The following KCNJ6 variants were observed in gnomAD, a reference collection of about 807,000 sequenced individuals.
The protein encoded by KCNJ6 is G protein-activated inward rectifier potassium channel 2.
In KCNJ6, 9 loss-of-function variants were observed where a neutral mutation model predicts 34.2. The ratio of observed to expected loss-of-function variants is 0.26; its 90% confidence interval spans 0.16 to 0.46. KCNJ6 has a LOEUF of 0.46. Ranked by LOEUF, KCNJ6 falls within the 20% of genes least tolerant of loss-of-function variation. KCNJ6 has a pLI of 1.00. For missense variants in KCNJ6, 236 were observed against 531.3 expected (o/e 0.44, Z 5.46); for synonymous variants, 196 against 207.1 (o/e 0.95, Z 0.46).
At chr21:37,857,742 G>T (rs2055572427) in intron 1 of KCNJ6, among the ~76,000 whole-genome samples, 1 of 152,084 alleles carries the variant, frequency 6.6e-6, no homozygotes, top group Non-Finnish European at 1.5e-5. Flanking sequence ...GCCAGCAGTG[G>T]ATCTATCCAA....
intron 2 of KCNJ6, among the ~76,000 whole-genome samples, chr21:37,806,897 TGA>T (rs1371931435): frequency 1.4e-4 from 21 of 152,348 alleles, no homozygotes; most frequent in African/African-American, 4.8e-4. Context: ...GTGAAGTGAC[TGA>T]TAAACCTTCT....
intron 3 of KCNJ6, among the ~76,000 whole-genome samples, chr21:37,712,079 A>G (rs928896175): frequency 2.0e-5 from 3 of 152,350 alleles, no homozygotes; most frequent in Admixed American, 2.0e-4. Context: ...GGGACATCAC[A>G]AAGATAATTT....
Position 37,709,518 on chromosome 21 carries a change from A to AAAAAAAG in KCNJ6, c.946+4692_946+4693insCTTTTTT, listed in dbSNP as rs112508967. On this transcript the variant is annotated intron_variant, in intron 3 of 3. Coordinates refer to ENST00000609713, the MANE Select transcript of KCNJ6 (RefSeq NM_002240.5). The stretch of plus-strand genomic sequence containing the variant: ...AACGAGAGCAAAACCCTGTCTCAAA[A>AAAAAAAG]AAAAGAAAAGAAAAGAAAAGAAATA... 1.4e-3 allele frequency among the ~76,000 whole-genome samples: 210 copies of AAAAAAAG among 145,792 alleles called. 2 individuals carry two copies. Among genetic ancestry groups the AAAAAAAG allele is most frequent in the African/African-American group, 4.9e-3 (198 of 40,328 alleles).
chr21:37,876,274 T>A (rs916188495), intron 1 of KCNJ6, among the ~76,000 whole-genome samples: 1 of 152,162 alleles, frequency 6.6e-6, no homozygotes, highest in Non-Finnish European at 1.5e-5. Context: ...ACCCATAATA[T>A]TCCCATTTTA....
chr21:37,780,539 C>A (rs1299420038), intron 2 of KCNJ6, among the ~76,000 whole-genome samples: 1 of 145,558 alleles, frequency 6.9e-6, no homozygotes, highest in Non-Finnish European at 1.5e-5. Context: ...CACACGAATG[C>A]AAGATGTTAG....
At position 37,610,457 on chromosome 21, in the gene KCNJ6, G is replaced by C. The variant is rs1352531652; in HGVS notation, c.*14702C>G. 1 of 152,054 alleles carries C rather than the reference G, an allele frequency of 6.6e-6. No individual in the cohort carries two copies. Among genetic ancestry groups the C allele is most frequent in the Admixed American group, 6.6e-5 (1 of 15,260 alleles). The allele number at this position is 152,054 out of a possible 1,614,324, so 9.4% of individuals were successfully genotyped here. On this transcript the variant is annotated 3_prime_UTR_variant, in exon 4 of 4. Coordinates refer to ENST00000609713, the MANE Select transcript of KCNJ6 (RefSeq NM_002240.5). Reference sequence around the variant, plus strand: ...CTATTAAAAATACAAAAATTAGCCAGGTTTGGTGGTGGGCACCTGTAGTCC... The same window carrying C: ...CTATTAAAAATACAAAAATTAGCCACGTTTGGTGGTGGGCACCTGTAGTCC...
intron 3 of KCNJ6, among the ~76,000 whole-genome samples, chr21:37,641,098 G>A (rs991684133): frequency 3.3e-5 from 5 of 152,172 alleles, no homozygotes; most frequent in African/African-American, 1.2e-4. Context: ...AGTATCCAGT[G>A]CTCACCCCAT....
intron 2 of KCNJ6, among the ~76,000 whole-genome samples, chr21:37,740,883 C>T (rs932401992): frequency 6.6e-6 from 1 of 152,230 alleles, no homozygotes; most frequent in Non-Finnish European, 1.5e-5. Context: ...ATCTGATAAA[C>T]ACTCCAGCTT....
At position 37,763,016 on chromosome 21, in the gene KCNJ6, G is replaced by A. The variant is rs149615773; in HGVS notation, c.26-47885C>T. ...AACACAAGCAGATGAAAACAGGGCT[G>A]TCTAAATGACACGCAGCCACCAGTG... On this transcript the variant is annotated intron_variant, in intron 2 of 3. Transcript: ENST00000609713. 3.7e-3 allele frequency among the ~76,000 whole-genome samples: 566 copies of A among 152,334 alleles called. 4 individuals are homozygous for A. Among genetic ancestry groups the A allele is most frequent in the African/African-American group, 0.013 (553 of 41,580 alleles).
chr21:37,673,340 C>G (rs4816577), intron 3 of KCNJ6, among the ~76,000 whole-genome samples: 63,733 of 152,192 alleles, frequency 0.42, 13,420 homozygotes, highest in East Asian at 0.47. Context: ...TCCAGCTGGA[C>G]TGTCCTGCAG....
rs138655392 is a variant in KCNJ6, at chr21:37,649,783, C to T, written c.947-24299G>A. Among the ~76,000 whole-genome samples the T allele has an allele frequency of 2.3e-3, 355 of 152,298 alleles. 1 individual carries two copies. Among genetic ancestry groups the T allele is most frequent in the African/African-American group, 8.1e-3 (335 of 41,568 alleles). On this transcript the variant is annotated intron_variant, in intron 3 of 3. Transcript: ENST00000609713. ...TCTATGTCTCTAAATAGGTCTGTCT[C>T]GCTCTGTCGCCCTGGCTGGAGTGCA...
At chr21:37,899,150 C>T (rs1229157460) in intron 1 of KCNJ6, among the ~76,000 whole-genome samples, 3 of 152,136 alleles carry the variant, frequency 2.0e-5, no homozygotes, top group Admixed American at 6.5e-5. Context: ...AAGGGAGAGA[C>T]GGCTCCGTCT....
chr21:37,881,982 C>CA (rs776010795), intron 1 of KCNJ6, among the ~76,000 whole-genome samples: 1 of 152,110 alleles, frequency 6.6e-6, no homozygotes, highest in Non-Finnish European at 1.5e-5. Context: ...GCTGCTTAAA[C>CA]ATTATAGGGC....
chr21:37,826,764 G>A (rs568580178), intron 2 of KCNJ6, among the ~76,000 whole-genome samples: 6 of 152,204 alleles, frequency 3.9e-5, no homozygotes, highest in African/African-American at 1.4e-4. Flanking sequence ...AGAAAATAAT[G>A]AGAAAACCTC....
intron 2 of KCNJ6, among the ~76,000 whole-genome samples, chr21:37,760,110 C>T (rs2055053045): frequency 6.6e-6 from 1 of 152,166 alleles, no homozygotes; most frequent in Admixed American, 6.5e-5. Context: ...TAACTGCAGA[C>T]CCAGCCAACA....
At position 37,618,374 on chromosome 21, in the gene KCNJ6, C is replaced by T. The variant is rs952224115; in HGVS notation, c.*6785G>A. 7 of 152,188 alleles carry T rather than the reference C, an allele frequency of 4.6e-5. No individual in the cohort carries two copies. The highest frequency in any genetic ancestry group is 1.0e-4 in the Non-Finnish European group (7 of 68,032). The allele number at this position is 152,188 out of a possible 1,614,324, so 9.4% of individuals were successfully genotyped here. ...GTCTGCTCCTAGGCTCCTGGAAGAC[C>T]TTGCCCTTTTGCTTGAATGTTTTGT... On this transcript the variant is annotated 3_prime_UTR_variant, in exon 4 of 4. Coordinates refer to ENST00000609713, the MANE Select transcript of KCNJ6 (RefSeq NM_002240.5).
At chr21:37,692,685 C>G (rs943938876) in intron 3 of KCNJ6, among the ~76,000 whole-genome samples, 3 of 152,150 alleles carry the variant, frequency 2.0e-5, no homozygotes, top group Non-Finnish European at 4.4e-5. Flanking sequence ...AGGAAAATGG[C>G]AGAACCCTTC....
chr21:37,761,430 GTTGTGTGTGTATAT>G (rs1477375053), intron 2 of KCNJ6, among the ~76,000 whole-genome samples: 6 of 150,530 alleles, frequency 4.0e-5, no homozygotes, highest in Non-Finnish European at 3.0e-5. Context: ...TGTGTGTTGT[GTTGTGTGTGTATAT>G]TTGTGTGTGT....
At chr21:37,905,560 C>T (rs990717357) in intron 1 of KCNJ6, among the ~76,000 whole-genome samples, 5 of 152,184 alleles carry the variant, frequency 3.3e-5, no homozygotes, top group Non-Finnish European at 5.9e-5. Flanking sequence ...AGCACCAAAA[C>T]GCTACTGTTC....
Sources: gnomAD v4.1 joint callset for allele counts (sites outside exome capture counted in the v4.1 genomes callset) on GRCh38, gnomAD v4.1.1 for gene constraint, MANE v1.5 for transcripts, NCBI Gene and HGNC (gene_info 2026-07-23, HGNC 2026-07-21) for gene names.